Variants in FBXW4 observed in about 807,000 individuals in gnomAD.
FBXW4 encodes F-box and WD repeat domain containing 4.
FBXW4 carries 40 observed loss-of-function variants against 61.8 expected under a neutral mutation model. The ratio of observed to expected loss-of-function variants is 0.65; its 90% confidence interval spans 0.50 to 0.84. The LOEUF (loss-of-function observed/expected upper bound fraction) is 0.84. Among genes scored for constraint, FBXW4 ranks in the 40% least tolerant of loss-of-function variants. The pLI is 0.00. For missense variants in FBXW4, 672 were observed against 753.8 expected (o/e 0.89, Z 1.27); for synonymous variants, 311 against 313.8 (o/e 0.99, Z 0.10).
intron 6 of FBXW4, among the ~76,000 whole-genome samples, chr10:101,619,937 G>A (rs946024380): frequency 3.9e-5 from 6 of 152,178 alleles, no homozygotes; most frequent in South Asian, 2.1e-4. Flanking sequence ...ACACATAGAC[G>A]TGGGTGATGG....
chr10:101,631,718 C>T (rs1425842039), intron 5 of FBXW4, among the ~76,000 whole-genome samples: 2 of 151,754 alleles, frequency 1.3e-5, no homozygotes, highest in African/African-American at 4.8e-5. Context: ...ACTTCCGTCT[C>T]CCAGGTTCAA....
chr10:101,686,573 C>T (rs1038741460), intron 1 of FBXW4, among the ~76,000 whole-genome samples: 1 of 151,058 alleles, frequency 6.6e-6, no homozygotes, highest in Admixed American at 6.6e-5. Context: ...ACTTTGTTCT[C>T]ATACCTTCAA....
chr10:101,621,136 C>T (rs922810812), intron 6 of FBXW4, among the ~76,000 whole-genome samples: 1 of 152,182 alleles, frequency 6.6e-6, no homozygotes, highest in Non-Finnish European at 1.5e-5. Context: ...ATCTTTGTGA[C>T]CCACAGCCCA....
chr10:101,690,830 G>A (rs2064591576), intron 1 of FBXW4, among the ~76,000 whole-genome samples: 1 of 152,194 alleles, frequency 6.6e-6, no homozygotes, highest in African/African-American at 2.4e-5. Context: ...GAAGCACAGT[G>A]CGTGTGTGTG....
chr10:101,659,244 G>A (rs1313971152), intron 5 of FBXW4, among the ~76,000 whole-genome samples: 1 of 152,170 alleles, frequency 6.6e-6, no homozygotes, highest in East Asian at 1.9e-4. Flanking sequence ...AGACCCCAGG[G>A]CATGAGGGTG....
At chr10:101,676,074 A>G (rs2064404633) in intron 2 of FBXW4, among the ~76,000 whole-genome samples, 1 of 152,110 alleles carries the variant, frequency 6.6e-6, no homozygotes, top group Non-Finnish European at 1.5e-5. Flanking sequence ...TCTTCTTTAG[A>G]ATTTTCTTTT....
chr10:101,670,548 T>A (rs1054626694), intron 4 of FBXW4, among the ~76,000 whole-genome samples: 1 of 152,244 alleles, frequency 6.6e-6, no homozygotes, highest in Admixed American at 6.5e-5. Flanking sequence ...CCTAGAGCTT[T>A]ATACTCCACA....
intron 1 of FBXW4, among the ~76,000 whole-genome samples, chr10:101,692,746 CAAAAAAA>C (rs61631625): frequency 2.3e-5 from 2 of 85,248 alleles, no homozygotes; most frequent in Non-Finnish European, 4.3e-5. Flanking sequence ...AACTCCGTCT[CAAAAAAA>C]AAAAAAAAAA....
chr10:101,653,553 T>C (rs1298333696), intron 5 of FBXW4, among the ~76,000 whole-genome samples: 3 of 152,224 alleles, frequency 2.0e-5, no homozygotes, highest in African/African-American at 7.2e-5. Flanking sequence ...GCAATTTCAA[T>C]ACAGGCATCA....
chr10:101,674,626 T>G (rs2064390489), intron 2 of FBXW4, among the ~76,000 whole-genome samples: 1 of 152,254 alleles, frequency 6.6e-6, no homozygotes, highest in Non-Finnish European at 1.5e-5. Flanking sequence ...CAGGGATATC[T>G]ACATTTCTGT....
chr10:101,681,383 C>T (rs1473391870), intron 1 of FBXW4, among the ~76,000 whole-genome samples: 5 of 129,962 alleles, frequency 3.8e-5, no homozygotes, highest in South Asian at 4.8e-4. Context: ...AGCGAAACTC[C>T]GTCTCAAAAA....
intron 5 of FBXW4, among the ~76,000 whole-genome samples, chr10:101,666,998 G>A (rs113961773): frequency 6.6e-6 from 1 of 151,948 alleles, no homozygotes; most frequent in Non-Finnish European, 1.5e-5. Context: ...TTGGGAGGCC[G>A]AGGCAGGCGG....
intron 5 of FBXW4, among the ~76,000 whole-genome samples, chr10:101,644,187 G>A (rs2064077496): frequency 6.6e-6 from 1 of 152,226 alleles, no homozygotes; most frequent in African/African-American, 2.4e-5. Context: ...CCAGTGAATG[G>A]TGGGGAAACT....
chr10:101,676,398 G>T lies in FBXW4; in HGVS notation c.764C>A (p.Ser255Tyr). The T allele has an allele frequency of 1.9e-6, 3 of 1,613,732 alleles. No individual in the cohort carries two copies. Among genetic ancestry groups the T allele is most frequent in the Non-Finnish European group, 2.5e-6 (3 of 1,179,898 alleles). Residue 255 changes from serine (S) to tyrosine (Y), a missense_variant, in exon 2 of 9, where the codon TCT (serine) becomes TAT (tyrosine). Transcript: ENST00000331272. ...SVPVKERVKV[S>Y]QNWRLGRCRE... ...GCAGCGCCCCAGTCTCCAGTTCTGA[G>T]ACACCTTCACTCGTTCCTTCACTGG...
At chr10:101,669,672 T>G (rs926751359) in intron 4 of FBXW4, among the ~76,000 whole-genome samples, 1 of 152,020 alleles carries the variant, frequency 6.6e-6, no homozygotes, top group Non-Finnish European at 1.5e-5. Flanking sequence ...GGGACAAGAG[T>G]TGACAACAAT....
intron 1 of FBXW4, among the ~76,000 whole-genome samples, chr10:101,681,866 A>G (rs1209065313): frequency 1.3e-5 from 2 of 152,042 alleles, no homozygotes; most frequent in Non-Finnish European, 2.9e-5. Flanking sequence ...TTAACTAAAG[A>G]GCAGATTAAA....
intron 6 of FBXW4, among the ~76,000 whole-genome samples, chr10:101,622,227 A>G (rs1451588192): frequency 2.0e-5 from 3 of 152,078 alleles, no homozygotes; most frequent in Admixed American, 6.5e-5. Context: ...ACAAAGCTAC[A>G]GCAACTGAGG....
intron 6 of FBXW4, among the ~76,000 whole-genome samples, chr10:101,612,734 G>A (rs375644082): frequency 2.0e-5 from 3 of 146,414 alleles, no homozygotes; most frequent in South Asian, 2.2e-4. Context: ...CCTGCGTGCC[G>A]GCTGCCACCC....
At chr10:101,686,001 A>C (rs2064529962) in intron 1 of FBXW4, among the ~76,000 whole-genome samples, 1 of 151,122 alleles carries the variant, frequency 6.6e-6, no homozygotes, top group African/African-American at 2.4e-5. Flanking sequence ...CAAGGGAAGA[A>C]ATCTGAGCAG....
Sources: gnomAD v4.1 joint callset for allele counts (sites outside exome capture counted in the v4.1 genomes callset) on GRCh38, gnomAD v4.1.1 for gene constraint, MANE v1.5 for transcripts, NCBI Gene and HGNC (gene_info 2026-07-23, HGNC 2026-07-21) for gene names.